The following MOB1B variants were observed in gnomAD, a reference collection of about 807,000 sequenced individuals.
MOB1B encodes MOB kinase activator 1B, also known as MOB1 Mps One Binder homolog B.
MOB1B carries 19 observed loss-of-function variants against 24.4 expected under a neutral mutation model. That is an observed-to-expected ratio of 0.78 (90% confidence interval 0.54 to 1.14). The LOEUF (loss-of-function observed/expected upper bound fraction) is 1.14. Ranked by LOEUF, MOB1B falls within the 50% of genes most tolerant of loss-of-function variation. The pLI is 0.00. For synonymous variants in MOB1B, 76 were observed against 82.1 expected (o/e 0.93, Z 0.40); for missense variants, 243 against 259.6 (o/e 0.94, Z 0.44).
intron 1 of MOB1B, among the ~76,000 whole-genome samples, chr4:70,904,902 T>G (rs1735676973): frequency 6.6e-6 from 1 of 152,196 alleles, no homozygotes; most frequent in Non-Finnish European, 1.5e-5. Flanking sequence ...TAGATTCAGA[T>G]TTGTGGTGGA....
At chr4:70,957,121 T>C (rs534066879) in intron 1 of MOB1B, among the ~76,000 whole-genome samples, 1 of 147,984 alleles carries the variant, frequency 6.8e-6, no homozygotes, top group African/African-American at 2.5e-5. Flanking sequence ...TTTTTTGGAA[T>C]TCCACTTCCG....
At chr4:70,963,377 A>G (rs1201422265) in intron 2 of MOB1B, among the ~76,000 whole-genome samples, 1 of 152,136 alleles carries the variant, frequency 6.6e-6, no homozygotes, top group African/African-American at 2.4e-5. Flanking sequence ...ATGAAATAAA[A>G]TAGAATTAAT....
chr4:70,956,060 T>G (rs900772936), intron 1 of MOB1B, among the ~76,000 whole-genome samples: 2 of 152,006 alleles, frequency 1.3e-5, no homozygotes, highest in East Asian at 3.9e-4. Context: ...AATTATATTT[T>G]AGAGATGCTG....
At chr4:70,969,758 C>T (rs1021734968) in intron 2 of MOB1B, among the ~76,000 whole-genome samples, 173 bp from the exon 3 acceptor site, 2 of 152,166 alleles carry the variant, frequency 1.3e-5, no homozygotes, top group Non-Finnish European at 1.5e-5. Flanking sequence ...TCAAGGGAGT[C>T]GTTTGATGAA....
intron 1 of MOB1B, among the ~76,000 whole-genome samples, chr4:70,926,098 A>C (rs990586056): frequency 1.3e-5 from 2 of 151,902 alleles, no homozygotes; most frequent in Non-Finnish European, 2.9e-5. Flanking sequence ...TGATTCTTCC[A>C]CCTCAGCTTC....
At chr4:70,969,864 G>A (rs1738685289) in intron 2 of MOB1B, 67 bp from the exon 3 acceptor site, 1 of 891,098 alleles carries the variant, frequency 1.1e-6, no homozygotes, top group African/African-American at 1.7e-5. Flanking sequence ...TTCTGTTCAA[G>A]TACAATTAAA....
chr4:70,964,551 A>G (rs184100798), intron 2 of MOB1B, among the ~76,000 whole-genome samples: 1 of 152,354 alleles, frequency 6.6e-6, no homozygotes. Context: ...CATATATTAT[A>G]AAAGGAAAAA....
At chr4:70,966,856 A>T (rs1235697282) in intron 2 of MOB1B, among the ~76,000 whole-genome samples, 1 of 151,668 alleles carries the variant, frequency 6.6e-6, no homozygotes, top group East Asian at 1.9e-4. Context: ...TCAAAAAAAA[A>T]AATAAATTAG....
At chr4:70,932,326 G>A (rs1308053093) in intron 1 of MOB1B, among the ~76,000 whole-genome samples, 2 of 152,246 alleles carry the variant, frequency 1.3e-5, no homozygotes, top group East Asian at 1.9e-4. Flanking sequence ...CTGGAATCAC[G>A]TAACTAGTAC....
chr4:70,970,558 C>T (rs1738713659), intron 3 of MOB1B, among the ~76,000 whole-genome samples: 1 of 152,100 alleles, frequency 6.6e-6, no homozygotes. Flanking sequence ...GAGCTTGCCA[C>T]CTTGTTTTAA....
At chr4:70,934,545 C>G (rs945647404) in intron 1 of MOB1B, among the ~76,000 whole-genome samples, 1 of 151,998 alleles carries the variant, frequency 6.6e-6, no homozygotes, top group Non-Finnish European at 1.5e-5. Flanking sequence ...CCTCTGCCTT[C>G]CAGATTCAAG....
At chr4:70,908,393 G>A (rs1355425185) in intron 1 of MOB1B, among the ~76,000 whole-genome samples, 1 of 150,386 alleles carries the variant, frequency 6.6e-6, no homozygotes, top group Non-Finnish European at 1.5e-5. Context: ...TGTATAGGAA[G>A]AAACAGATGG....
chr4:70,952,874 G>A (rs1435184872), intron 1 of MOB1B, among the ~76,000 whole-genome samples: 1 of 148,838 alleles, frequency 6.7e-6, no homozygotes, highest in Non-Finnish European at 1.5e-5. Context: ...GAGGACTTCT[G>A]TGTACATGCT....
intron 2 of MOB1B, among the ~76,000 whole-genome samples, chr4:70,963,364 A>C (rs1738380880): frequency 6.6e-6 from 1 of 152,066 alleles, no homozygotes. Flanking sequence ...TGTCTCTAAA[A>C]AAATGAAATA....
At chr4:70,948,692 T>G (rs1278748027) in intron 1 of MOB1B, among the ~76,000 whole-genome samples, 1 of 152,228 alleles carries the variant, frequency 6.6e-6, no homozygotes, top group Non-Finnish European at 1.5e-5. Flanking sequence ...ATTTAGTGAT[T>G]TGGGATTGTC....
At chr4:70,905,265 A>T (rs1416401527) in intron 1 of MOB1B, among the ~76,000 whole-genome samples, 1 of 150,468 alleles carries the variant, frequency 6.6e-6, no homozygotes, top group African/African-American at 2.4e-5. Context: ...TGGAGACAGG[A>T]TCTCACTCTG....
chr4:70,928,916 T>C (rs1736764160), intron 1 of MOB1B, among the ~76,000 whole-genome samples: 1 of 152,128 alleles, frequency 6.6e-6, no homozygotes, highest in Admixed American at 6.5e-5. Context: ...TCACATAGTT[T>C]TGTAGAGACC....
rs1483563319 is a variant in MOB1B, at chr4:70,986,266, C to A, written c.*4209C>A. ...TTTAAGGAGACAACAGCCTTTACTG[C>A]CATTTTTTTTTAAATGTTTTCACTC... On this transcript the variant is annotated 3_prime_UTR_variant, in exon 6 of 6. Coordinates refer to ENST00000309395, the MANE Select transcript of MOB1B (RefSeq NM_173468.4). 2 of 151,890 alleles carry A rather than the reference C, an allele frequency of 1.3e-5. No homozygotes were observed. The highest frequency in any genetic ancestry group is 2.9e-5 in the Non-Finnish European group (2 of 67,978). 9.4% of individuals were successfully genotyped at this position (151,890 alleles called of 1,614,324 possible).
At chr4:70,977,204 T>G (rs1186237515) in intron 4 of MOB1B, among the ~76,000 whole-genome samples, 1 of 152,196 alleles carries the variant, frequency 6.6e-6, no homozygotes, top group African/African-American at 2.4e-5. Context: ...AAAGGAAATC[T>G]TTTATATTTG....
Sources: allele counts gnomAD v4.1 joint callset (sites outside exome capture counted in the v4.1 genomes callset), GRCh38; gene constraint gnomAD v4.1.1; transcripts MANE v1.5; gene names NCBI Gene and HGNC (gene_info 2026-07-23, HGNC 2026-07-21).